The following CSMD1 variants were observed in gnomAD, a reference collection of about 807,000 sequenced individuals.
The protein encoded by CSMD1 is CUB and Sushi multiple domains 1, also known as CUB and sushi domain-containing protein 1.
Under a neutral mutation model 417.5 loss-of-function variants are expected in CSMD1, and 213 were observed. That is an observed-to-expected ratio of 0.51 (90% CI 0.46 to 0.57). The LOEUF (loss-of-function observed/expected upper bound fraction) is 0.57, where lower values mean the gene tolerates loss of function less well. Among genes scored for constraint, CSMD1 ranks in the 20% least tolerant of loss-of-function variants. The probability of loss-of-function intolerance (pLI) is 0.00; values close to 1 mark genes in which losing one functional copy is unlikely to be tolerated. For synonymous variants in CSMD1, 2,862 were observed against 1,736.8 expected (o/e 1.65, Z -16.11); for missense variants, 6,923 against 4,529.7 (o/e 1.53, Z -15.17).
chr8:3,074,044 G>A (rs1813479517), intron 49 of CSMD1, among the ~76,000 whole-genome samples: 1 of 152,240 alleles, frequency 6.6e-6, no homozygotes, highest in Non-Finnish European at 1.5e-5. Context: ...GCAGCGGGCT[G>A]CTTTCTCACC....
intron 10 of CSMD1, among the ~76,000 whole-genome samples, chr8:3,508,626 C>G (rs28633705): frequency 0.052 from 7,904 of 152,234 alleles, 234 homozygotes; most frequent in Middle Eastern, 0.095. Flanking sequence ...TTTAAAATCA[C>G]TGATTTATTC....
At chr8:3,382,119 C>T (rs1810667545) in intron 18 of CSMD1, among the ~76,000 whole-genome samples, 1 of 151,850 alleles carries the variant, frequency 6.6e-6, no homozygotes, top group African/African-American at 2.4e-5. Context: ...ATTAGCTGGG[C>T]ATGGTGGTGG....
At chr8:3,389,957 G>T (rs1376007879) in intron 17 of CSMD1, among the ~76,000 whole-genome samples, 1 of 152,106 alleles carries the variant, frequency 6.6e-6, no homozygotes, top group East Asian at 1.9e-4. Flanking sequence ...GTACAGGACG[G>T]GAGGACTGTT....
At position 4,637,535 on chromosome 8, in the gene CSMD1, G is replaced by T; in HGVS notation, c.109C>A (p.Gln37Lys). 1 of 1,612,988 alleles carries T rather than the reference G, an allele frequency of 6.2e-7. No individual in the cohort carries two copies. Among genetic ancestry groups the T allele is most frequent in the Non-Finnish European group, 8.5e-7 (1 of 1,179,606 alleles). ...CTCTCAATAGTGCCATTGGGACCCT[G>T]GACTAAGCCTCCACAGTTCTGACCT... is the stretch of plus-strand genomic sequence containing the variant. The part of the protein sequence containing the change: ...AKGQNCGGLV[Q>K]GPNGTIESPG... The change falls in exon 2 of 70, where the codon CAG becomes AAG. Residue 37 changes from glutamine to lysine, a missense_variant. Transcript: ENST00000635120.
chr8:3,752,843 C>T (rs1797428117), intron 6 of CSMD1, among the ~76,000 whole-genome samples: 1 of 152,092 alleles, frequency 6.6e-6, no homozygotes, highest in African/African-American at 2.4e-5. Context: ...ATTTCATTCC[C>T]CGCAACTGAC....
chr8:3,947,695 A>C (rs1811327976), intron 5 of CSMD1, among the ~76,000 whole-genome samples: 1 of 152,216 alleles, frequency 6.6e-6, no homozygotes, highest in Non-Finnish European at 1.5e-5. Flanking sequence ...ATAGTATCAA[A>C]CATTTTTAAT....
chr8:4,214,086 C>T (rs542951622), intron 3 of CSMD1, among the ~76,000 whole-genome samples: 14 of 152,262 alleles, frequency 9.2e-5, no homozygotes, highest in Admixed American at 2.6e-4. Flanking sequence ...AATTATCCAG[C>T]ATCTTACTCC....
chr8:4,932,927 T>TTATTATAGG (rs1807342898), intron 1 of CSMD1, among the ~76,000 whole-genome samples: 1 of 152,216 alleles, frequency 6.6e-6, no homozygotes, highest in South Asian at 2.1e-4. Flanking sequence ...GTGAATTAAA[T>TTATTATAGG]TATTATAGGT....
At chr8:4,501,684 T>G (rs1802265767) in intron 2 of CSMD1, among the ~76,000 whole-genome samples, 1 of 152,218 alleles carries the variant, frequency 6.6e-6, no homozygotes, top group Non-Finnish European at 1.5e-5. Flanking sequence ...CATTCCTTTG[T>G]CCAGTGGATT....
At chr8:3,259,892 T>C (rs1282738205) in intron 26 of CSMD1, among the ~76,000 whole-genome samples, 1 of 152,136 alleles carries the variant, frequency 6.6e-6, no homozygotes, top group East Asian at 1.9e-4. Flanking sequence ...ACACATGAAA[T>C]TCAAACACAT....
intron 26 of CSMD1, among the ~76,000 whole-genome samples, chr8:3,239,048 A>C (rs1385051541): frequency 6.6e-6 from 1 of 152,218 alleles, no homozygotes; most frequent in Non-Finnish European, 1.5e-5. Context: ...ACATCTATAC[A>C]GGAGTTTAAA....
chr8:3,952,852 G>A (rs1292736375), intron 5 of CSMD1, among the ~76,000 whole-genome samples: 1 of 152,126 alleles, frequency 6.6e-6, no homozygotes, highest in Non-Finnish European at 1.5e-5. Context: ...TGAATGCAGT[G>A]AAAATAAGAG....
intron 5 of CSMD1, among the ~76,000 whole-genome samples, chr8:3,807,944 G>C (rs1233617610): frequency 6.6e-6 from 1 of 152,118 alleles, no homozygotes; most frequent in Non-Finnish European, 1.5e-5. Context: ...AGGCTAGGTG[G>C]CTTGCATAAC....
At chr8:3,731,627 G>C (rs1053727404) in intron 6 of CSMD1, among the ~76,000 whole-genome samples, 2 of 152,108 alleles carry the variant, frequency 1.3e-5, no homozygotes, top group African/African-American at 4.8e-5. Context: ...AAATGGAAAG[G>C]ATGCACTGAA....
chr8:4,844,342 G>A (rs187442055), intron 1 of CSMD1, among the ~76,000 whole-genome samples: 2 of 151,736 alleles, frequency 1.3e-5, no homozygotes, highest in African/African-American at 4.8e-5. Context: ...TGTTTTTTTT[G>A]CAGAAAAGAT....
intron 2 of CSMD1, among the ~76,000 whole-genome samples, chr8:4,463,574 C>T (rs1430796591): frequency 2.0e-5 from 3 of 152,118 alleles, no homozygotes; most frequent in South Asian, 2.1e-4. Flanking sequence ...TCCAGAAATA[C>T]AGAAGAAGTG....
intron 2 of CSMD1, among the ~76,000 whole-genome samples, chr8:4,569,705 C>T (rs143715873): frequency 6.6e-6 from 1 of 152,236 alleles, no homozygotes; most frequent in Non-Finnish European, 1.5e-5. Flanking sequence ...ATGGGAATAG[C>T]ATTGAATCTA....
At chr8:3,250,972 C>G (rs1800211996) in intron 26 of CSMD1, among the ~76,000 whole-genome samples, 2 of 152,134 alleles carry the variant, frequency 1.3e-5, no homozygotes, top group African/African-American at 4.8e-5. Context: ...AGCCCTTTGT[C>G]AGATGAGTAG....
At chr8:4,578,332 ATT>A (rs1172600205) in intron 2 of CSMD1, among the ~76,000 whole-genome samples, 24 of 48,764 alleles carry the variant, frequency 4.9e-4, no homozygotes, top group East Asian at 1.8e-3. Context: ...CACCCGGCTC[ATT>A]TTTTTTTTTT....
Sources: gnomAD v4.1 joint callset for allele counts (sites outside exome capture counted in the v4.1 genomes callset) on GRCh38, gnomAD v4.1.1 for gene constraint, MANE v1.5 for transcripts, NCBI Gene and HGNC (gene_info 2026-07-23, HGNC 2026-07-21) for gene names.